RSPO3: variants seen among roughly 807,000 people sequenced by gnomAD.
The protein encoded by RSPO3 is R-spondin 3.
Under a neutral mutation model 36.5 loss-of-function variants are expected in RSPO3, and 17 were observed. The ratio of observed to expected loss-of-function variants is 0.47; its 90% CI spans 0.32 to 0.70. The LOEUF is 0.70. RSPO3 is among the 30% of genes least tolerant of loss of function. The pLI is 0.04. For synonymous variants in RSPO3, 108 were observed against 107.0 expected, an observed-to-expected ratio of 1.01 and a Z score of -0.06; for missense variants, 294 against 322.5, an observed-to-expected ratio of 0.91 and a Z score of 0.68.
chr6:127,178,199 T>C (rs1222446308), intron 4 of RSPO3, among the ~76,000 whole-genome samples: 2 of 151,792 alleles, frequency 1.3e-5, no homozygotes, highest in African/African-American at 4.8e-5. Flanking sequence ...AAACATATTG[T>C]ATTATTTGGC....
chr6:127,175,928 G>A (rs539152259), intron 4 of RSPO3, among the ~76,000 whole-genome samples: 1 of 151,742 alleles, frequency 6.6e-6, no homozygotes, highest in East Asian at 2.0e-4. Context: ...ATCTTAAATT[G>A]TTTTCTTATA....
At chr6:127,183,513 C>T (rs1443936044) in intron 4 of RSPO3, among the ~76,000 whole-genome samples, 1 of 151,910 alleles carries the variant, frequency 6.6e-6, no homozygotes, top group Non-Finnish European at 1.5e-5. Context: ...GAGAGTAACA[C>T]CAAAGCATCT....
intron 4 of RSPO3, among the ~76,000 whole-genome samples, chr6:127,185,582 T>C (rs61302441): frequency 0.018 from 2,668 of 152,190 alleles, 82 homozygotes; most frequent in African/African-American, 0.06. Flanking sequence ...TAAACATTTA[T>C]ATTATCTGTA....
At position 127,196,020 on chromosome 6, in the gene RSPO3, G is replaced by T; in HGVS notation, c.*13G>T. 2 of 1,587,930 alleles carry T rather than the reference G, an allele frequency of 1.3e-6. No individual in the cohort carries two copies. Among genetic ancestry groups the T allele is most frequent in the South Asian group, 1.2e-5 (1 of 85,532 alleles). ...CACTGTACACTAGAGGGTTCCATGA[G>T]ATTATTGTAGACTCATGATGCTGCT... is the stretch of plus-strand genomic sequence containing the variant. On this transcript the variant is annotated 3_prime_UTR_variant, in exon 5 of 5. Coordinates refer to ENST00000356698, the MANE Select transcript of RSPO3 (RefSeq NM_032784.5).
intron 4 of RSPO3, among the ~76,000 whole-genome samples, chr6:127,170,886 G>C (rs2114616707): frequency 6.6e-6 from 1 of 151,838 alleles, no homozygotes; most frequent in Admixed American, 6.6e-5. Flanking sequence ...AGGCTAAATG[G>C]TGAGTGATTA....
chr6:127,144,406 T>G (rs1466641665), intron 1 of RSPO3, among the ~76,000 whole-genome samples: 1 of 152,132 alleles, frequency 6.6e-6, no homozygotes, highest in African/African-American at 2.4e-5. Flanking sequence ...GGCTATTCCT[T>G]TGAGTTCAAG....
chr6:127,180,247 T>A (rs1051440701), intron 4 of RSPO3, among the ~76,000 whole-genome samples: 1 of 151,544 alleles, frequency 6.6e-6, no homozygotes, highest in African/African-American at 2.4e-5. Flanking sequence ...CATGATGTGA[T>A]CAAATTATAG....
At chr6:127,174,644 T>C (rs1211157107) in intron 4 of RSPO3, among the ~76,000 whole-genome samples, 1 of 150,776 alleles carries the variant, frequency 6.6e-6, no homozygotes, top group Non-Finnish European at 1.5e-5. Context: ...GGAACTAGTC[T>C]TACTCTGTTT....
intron 4 of RSPO3, among the ~76,000 whole-genome samples, chr6:127,161,039 A>G (rs1306236636): frequency 6.6e-6 from 1 of 152,104 alleles, no homozygotes; most frequent in South Asian, 2.1e-4. Context: ...TGAAACATCA[A>G]ATCACCTTGT....
intron 1 of RSPO3, among the ~76,000 whole-genome samples, chr6:127,133,429 T>C (rs1774094472): frequency 6.6e-6 from 1 of 152,124 alleles, no homozygotes; most frequent in Admixed American, 6.5e-5. Context: ...TGATTTTAAT[T>C]TATATATTGC....
chr6:127,126,322 T>C (rs921718049), intron 1 of RSPO3, among the ~76,000 whole-genome samples: 3 of 152,100 alleles, frequency 2.0e-5, no homozygotes, highest in African/African-American at 4.8e-5. Flanking sequence ...CTCCTACTGA[T>C]ACGGGGGTGT....
At chr6:127,166,380 A>G (rs139891604) in intron 4 of RSPO3, among the ~76,000 whole-genome samples, 1 of 152,164 alleles carries the variant, frequency 6.6e-6, no homozygotes, top group African/African-American at 2.4e-5. Flanking sequence ...TTGACTTTCT[A>G]TCAGAGGAAA....
At chr6:127,155,218 C>A in intron 3 of RSPO3, 23 bp from the exon 4 acceptor site, 1 of 1,611,262 alleles carries the variant, frequency 6.2e-7, no homozygotes, top group South Asian at 1.1e-5. Context: ...CCAGCTGAGT[C>A]TGTTTCTTCT....
intron 4 of RSPO3, among the ~76,000 whole-genome samples, chr6:127,157,396 G>T (rs1774614688): frequency 6.6e-6 from 1 of 151,786 alleles, no homozygotes; most frequent in Non-Finnish European, 1.5e-5. Context: ...TTTTACTTGA[G>T]AATGTGATCT....
At chr6:127,141,050 A>G (rs1774260387) in intron 1 of RSPO3, among the ~76,000 whole-genome samples, 1 of 152,140 alleles carries the variant, frequency 6.6e-6, no homozygotes, top group African/African-American at 2.4e-5. Flanking sequence ...TAATCATTTG[A>G]TTCCTTGTTT....
Position 127,144,643 on chromosome 6 carries a change from G to GTTTTTTTTTTTTTTTTTT in RSPO3, c.98-3992_98-3991insTTTTTTTTTTTTTTTTTT, listed in dbSNP as rs56388820. Among the ~76,000 whole-genome samples, 369 of 99,060 alleles carry GTTTTTTTTTTTTTTTTTT rather than the reference G, an allele frequency of 3.7e-3. 65 individuals are homozygous for GTTTTTTTTTTTTTTTTTT. The highest frequency in any genetic ancestry group is 0.012 in the African/African-American group (282 of 24,072). 65.0% of individuals were successfully genotyped at this position (99,060 alleles called of 152,430 possible). A position where few individuals can be genotyped will look rare whatever the true frequency, so the allele number is the denominator to read the frequency against. Reference sequence around the variant, plus strand: ...TGTAATTTTTCAGTAGCTTCCCCTTGTTTTTTTTTTTTTCAGACAGAGTCT... The same window carrying GTTTTTTTTTTTTTTTTTT: ...TGTAATTTTTCAGTAGCTTCCCCTTGTTTTTTTTTTTTTTTTTTTTTTTTTTTTTTTCAGACAGAGTCT... On this transcript the variant is annotated intron_variant, in intron 1 of 4. Transcript: ENST00000356698.
intron 1 of RSPO3, among the ~76,000 whole-genome samples, chr6:127,146,326 G>A (rs944057021): frequency 6.6e-6 from 1 of 151,602 alleles, no homozygotes; most frequent in African/African-American, 2.4e-5. Flanking sequence ...AAGAATTATT[G>A]TAGCACAATG....
intron 1 of RSPO3, among the ~76,000 whole-genome samples, chr6:127,135,137 A>G (rs758377687): frequency 1.7e-4 from 26 of 152,166 alleles, no homozygotes; most frequent in Non-Finnish European, 2.2e-4. Flanking sequence ...GATTGCAACT[A>G]TTGGCCAGGT....
At chr6:127,145,624 C>G (rs976389474) in intron 1 of RSPO3, among the ~76,000 whole-genome samples, 1 of 152,134 alleles carries the variant, frequency 6.6e-6, no homozygotes, top group African/African-American at 2.4e-5. Flanking sequence ...GTGTTTCCTT[C>G]TCTAGCCAAA....
Sources: allele counts gnomAD v4.1 joint callset (sites outside exome capture counted in the v4.1 genomes callset), GRCh38; gene constraint gnomAD v4.1.1; transcripts MANE v1.5; gene names NCBI Gene and HGNC (gene_info 2026-07-23, HGNC 2026-07-21).